BACH2: variants seen among roughly 807,000 people sequenced by gnomAD.
The protein encoded by BACH2 is BACH transcriptional regulator 2.
Under a neutral mutation model 61.8 loss-of-function variants are expected in BACH2, and 5 were observed. The observed-to-expected ratio is 0.08, with a 90% CI of 0.04 to 0.17. The LOEUF is 0.17. BACH2 is among the 10% of genes least tolerant of loss of function. The probability of loss-of-function intolerance (pLI) is 1.00; values close to 1 mark genes in which losing one functional copy is unlikely to be tolerated. For synonymous variants in BACH2, 446 were observed against 440.1 expected, an observed-to-expected ratio of 1.01 and a Z score of -0.17; for missense variants, 824 against 1,091.1, an observed-to-expected ratio of 0.76 and a Z score of 3.45.
intron 1 of BACH2, among the ~76,000 whole-genome samples, chr6:90,288,799 G>A (rs925360690): frequency 2.0e-5 from 3 of 152,022 alleles, no homozygotes; most frequent in Non-Finnish European, 2.9e-5. Flanking sequence ...TTCCTCCTTG[G>A]TAGAATACTC....
At position 90,175,220 on chromosome 6, in the gene BACH2, T is replaced by C. The variant is rs900722886; in HGVS notation, c.-162+31349A>G. ...TACTTCAAGTTGGAAAACACAGGCA[T>C]TTAGGAAGTTCTTTTTCTATATCTA... On this transcript the variant is annotated intron_variant, in intron 4 of 8. Coordinates refer to ENST00000257749, the MANE Select transcript of BACH2 (RefSeq NM_021813.4). 6.6e-5 allele frequency among the ~76,000 whole-genome samples: 10 copies of C among 152,238 alleles called. No homozygotes were observed. The East Asian group carries it at 1.9e-3, about 29-fold the overall frequency.
chr6:89,950,321 C>A lies in BACH2; in HGVS notation c.1785G>T (p.Ser595=), dbSNP rs558363430. 2.4e-5 allele frequency: 39 copies of A among 1,614,164 alleles called. No individual in the cohort carries two copies. In the African/African-American group the frequency reaches 5.2e-4, roughly 22 times the overall value. The change falls in exon 7 of 9, where the codon TCG becomes TCT. Residue 595 remains serine, a synonymous_variant. Transcript: ENST00000257749. The surrounding 1 kb of genome is among the most constrained non-coding windows in gnomAD (Gnocchi z 5.3). ...YGTNSSDESG[S]FSEADSESCP... ...ACGACTCACTGTCTGCTTCCGAGAA[C>A]GATCCGGATTCGTCACTGGAGTTGG...
chr6:89,963,191 C>T (rs1365506413), intron 6 of BACH2, among the ~76,000 whole-genome samples: 5 of 152,178 alleles, frequency 3.3e-5, no homozygotes, highest in African/African-American at 1.2e-4. Flanking sequence ...GAGATCTCAC[C>T]TTACACCCAC....
intron 4 of BACH2, among the ~76,000 whole-genome samples, chr6:90,126,647 G>A (rs1371217894): frequency 6.6e-6 from 1 of 152,194 alleles, no homozygotes; most frequent in East Asian, 1.9e-4. Context: ...ACACTGAGAA[G>A]CATCTCTCTC....
chr6:90,136,667 C>G (rs991033308), intron 4 of BACH2, among the ~76,000 whole-genome samples: 2 of 151,996 alleles, frequency 1.3e-5, no homozygotes, highest in Non-Finnish European at 2.9e-5. Context: ...AGATTAACTA[C>G]AAATGCTACT....
At chr6:90,004,030 A>G (rs1365992431) in intron 6 of BACH2, among the ~76,000 whole-genome samples, 2 of 152,200 alleles carry the variant, frequency 1.3e-5, no homozygotes, top group Non-Finnish European at 1.5e-5. Context: ...TTGCCCAAAG[A>G]TAATCATGAC....
intron 3 of BACH2, among the ~76,000 whole-genome samples, chr6:90,248,674 G>T (rs1382872463): frequency 6.6e-6 from 1 of 152,194 alleles, no homozygotes; most frequent in East Asian, 1.9e-4. Flanking sequence ...CTCAGGAAGA[G>T]CCTGGTGCAC....
At chr6:90,065,602 T>C (rs1247375402) in intron 5 of BACH2, among the ~76,000 whole-genome samples, 2 of 152,114 alleles carry the variant, frequency 1.3e-5, no homozygotes, top group African/African-American at 4.8e-5. Context: ...CTGTGGGCTA[T>C]GGTTCGCCTA....
At chr6:90,018,464 G>C (rs1778185085) in intron 5 of BACH2, among the ~76,000 whole-genome samples, 1 of 152,012 alleles carries the variant, frequency 6.6e-6, no homozygotes, top group African/African-American at 2.4e-5. Flanking sequence ...ACTATCTTTT[G>C]GTTCCTGATG....
At chr6:90,057,186 T>C (rs1780405412) in intron 5 of BACH2, among the ~76,000 whole-genome samples, 2 of 152,244 alleles carry the variant, frequency 1.3e-5, no homozygotes, top group South Asian at 4.2e-4. Flanking sequence ...ATCCAGGAGC[T>C]GGTTTTTTGA....
intron 1 of BACH2, among the ~76,000 whole-genome samples, chr6:90,289,481 A>T (rs975222815): frequency 1.3e-5 from 2 of 152,248 alleles, no homozygotes; most frequent in Non-Finnish European, 2.9e-5. Flanking sequence ...TAATCAATTT[A>T]TTTTAAATAG....
intron 5 of BACH2, among the ~76,000 whole-genome samples, chr6:90,020,561 C>G (rs965317370): frequency 1.5e-5 from 2 of 137,464 alleles, no homozygotes; most frequent in South Asian, 2.5e-4. Context: ...AGACCTCGAA[C>G]TTGCCAGCCT....
intron 5 of BACH2, among the ~76,000 whole-genome samples, chr6:90,084,798 G>A (rs1198580871): frequency 6.6e-6 from 1 of 152,008 alleles, no homozygotes; most frequent in African/African-American, 2.4e-5. Flanking sequence ...CTCTGTAACA[G>A]ACTATATATA....
At chr6:90,269,610 A>G (rs1443206391) in intron 2 of BACH2, among the ~76,000 whole-genome samples, 1 of 152,176 alleles carries the variant, frequency 6.6e-6, no homozygotes, top group Admixed American at 6.5e-5. Context: ...GACAGGGCAC[A>G]TTTTGATGTT....
chr6:89,994,722 T>C (rs980181386), intron 6 of BACH2, among the ~76,000 whole-genome samples: 6 of 152,202 alleles, frequency 3.9e-5, no homozygotes, highest in Non-Finnish European at 8.8e-5. Flanking sequence ...CTATGCCCCA[T>C]CCTTTTCCTG....
At chr6:90,045,128 T>C (rs1250896225) in intron 5 of BACH2, among the ~76,000 whole-genome samples, 1 of 152,114 alleles carries the variant, frequency 6.6e-6, no homozygotes, top group African/African-American at 2.4e-5. Flanking sequence ...ACTGGACAAA[T>C]AGATAATAAA....
intron 5 of BACH2, among the ~76,000 whole-genome samples, chr6:90,063,594 T>G (rs1582294618): frequency 6.6e-6 from 1 of 152,216 alleles, no homozygotes; most frequent in African/African-American, 2.4e-5. Context: ...GCAGCTTTGT[T>G]TTAACCATAA....
chr6:90,231,886 T>C (rs1481132232), intron 3 of BACH2, among the ~76,000 whole-genome samples: 1 of 152,154 alleles, frequency 6.6e-6, no homozygotes, highest in African/African-American at 2.4e-5. Context: ...TAAAAAGAAT[T>C]CTAGTGAAAC....
At chr6:90,032,169 C>G (rs1235754757) in intron 5 of BACH2, among the ~76,000 whole-genome samples, 4 of 151,870 alleles carry the variant, frequency 2.6e-5, no homozygotes, top group Admixed American at 6.6e-5. Flanking sequence ...AAAGCTGAAA[C>G]TGGATCCCTT....
Sources: allele counts gnomAD v4.1 joint callset (sites outside exome capture counted in the v4.1 genomes callset), GRCh38; gene constraint gnomAD v4.1.1; non-coding constraint Gnocchi (gnomAD v3.1); transcripts MANE v1.5; gene names NCBI Gene and HGNC (gene_info 2026-07-23, HGNC 2026-07-21).